FRYL: variants seen among roughly 807,000 people sequenced by gnomAD.
FRYL encodes the protein protein furry homolog-like.
In FRYL, 150 loss-of-function variants were observed where a neutral mutation model predicts 351.2. The ratio of observed to expected loss-of-function variants is 0.43; its 90% CI spans 0.37 to 0.49. FRYL has a LOEUF of 0.49. FRYL is among the 20% of genes least tolerant of loss of function. The probability of loss-of-function intolerance (pLI) is 0.00; values close to 1 mark genes in which losing one functional copy is unlikely to be tolerated. For missense variants in FRYL, 3,036 were observed against 3,619.3 expected, an observed-to-expected ratio of 0.84 and a Z score of 4.13; for synonymous variants, 1,153 against 1,257.1, an observed-to-expected ratio of 0.92 and a Z score of 1.75.
intron 60 of FRYL, among the ~76,000 whole-genome samples, chr4:48,503,116 A>C (rs1379474737): frequency 6.6e-6 from 1 of 152,120 alleles, no homozygotes. Context: ...ACAATGAATA[A>C]AACTGAACTA....
chr4:48,545,901 A>G (rs890761928), intron 42 of FRYL, among the ~76,000 whole-genome samples, 166 bp downstream of exon 42: 5 of 152,226 alleles, frequency 3.3e-5, no homozygotes, highest in Non-Finnish European at 7.3e-5. Context: ...ACTGGCACAA[A>G]AGAGTCTTTG....
chr4:48,543,168 C>A (rs1298567022), intron 44 of FRYL, among the ~76,000 whole-genome samples: 3 of 152,198 alleles, frequency 2.0e-5, no homozygotes, highest in Non-Finnish European at 4.4e-5. Context: ...AGATCATAAA[C>A]AGAACCTACT....
chr4:48,770,951 T>C (rs1227234368), intron 1 of FRYL, among the ~76,000 whole-genome samples: 1 of 147,684 alleles, frequency 6.8e-6, no homozygotes, highest in African/African-American at 2.5e-5. Flanking sequence ...ACAGGAAAAA[T>C]ACTAAACTAA....
In FRYL at chr4:48,596,054, A is replaced by G. The variant is rs1578272770; in HGVS notation, c.1036-54T>C. The G allele has an allele frequency of 7.0e-6, 8 of 1,147,586 alleles. No individual in the cohort carries two copies. In the East Asian group the frequency reaches 1.7e-4, roughly 25 times the overall value. 71.1% of individuals were successfully genotyped at this position (1,147,586 alleles called of 1,614,324 possible). A position where few individuals can be genotyped will look rare whatever the true frequency, so the allele number is the denominator to read the frequency against. ...ATTATAATACTTGCAATCACTTAACAGCAAACATATTCTCTGTCAACAACT... is the reference window on the plus strand; with the variant it reads ...ATTATAATACTTGCAATCACTTAACGGCAAACATATTCTCTGTCAACAACT... On this transcript the variant is annotated intron_variant, in intron 13 of 63. Transcript: ENST00000358350.
chr4:48,519,627 C>T (rs185743454), intron 55 of FRYL, among the ~76,000 whole-genome samples: 9 of 152,018 alleles, frequency 5.9e-5, no homozygotes, highest in Admixed American at 3.3e-4. Context: ...CTCAGCCTCC[C>T]GAGTAGATGG....
At chr4:48,641,011 G>C (rs942871013) in intron 3 of FRYL, among the ~76,000 whole-genome samples, 2 of 152,148 alleles carry the variant, frequency 1.3e-5, no homozygotes, top group African/African-American at 4.8e-5. Flanking sequence ...TTATATGGTA[G>C]ACAGATTAAA....
chr4:48,581,684 G>A, intron 20 of FRYL, 79 bp from the exon 21 acceptor site: 1 of 1,182,960 alleles, frequency 8.5e-7, no homozygotes, highest in South Asian at 1.7e-5. Flanking sequence ...AAAAAATAAA[G>A]CAAATCATAG....
chr4:48,674,736 C>CAAAAAAAA (rs58696045), intron 3 of FRYL, among the ~76,000 whole-genome samples: 809 of 55,608 alleles, frequency 0.015, 130 homozygotes, highest in African/African-American at 0.046. Flanking sequence ...GACTCTGTCT[C>CAAAAAAAA]AAAAAAAAAA....
At chr4:48,571,986 C>T in intron 26 of FRYL, 1 of 985,332 alleles carries the variant, frequency 1.0e-6, no homozygotes, top group Non-Finnish European at 1.2e-6. Context: ...CCAAACTGAT[C>T]ATTCTGAAAC....
At chr4:48,606,350 T>G (rs1455070390) in intron 10 of FRYL, 88 bp downstream of exon 10, 5 of 733,952 alleles carry the variant, frequency 6.8e-6, no homozygotes, top group Non-Finnish European at 1.1e-5. Flanking sequence ...TGCCATTAAT[T>G]TACGTGTATT....
At chr4:48,675,803 C>T (rs1159108671) in intron 3 of FRYL, among the ~76,000 whole-genome samples, 1 of 152,246 alleles carries the variant, frequency 6.6e-6, no homozygotes, top group African/African-American at 2.4e-5. Context: ...CAGCTGGGCT[C>T]CTGAGTCTGG....
At chr4:48,702,117 C>T (rs1347507706) in intron 2 of FRYL, among the ~76,000 whole-genome samples, 4 of 152,082 alleles carry the variant, frequency 2.6e-5, no homozygotes, top group Admixed American at 2.0e-4. Context: ...GCTCCCTAAT[C>T]TCATACAATT....
chr4:48,581,389 T>C (rs778928265), intron 21 of FRYL, 31 bp downstream of exon 21: 40 of 1,570,468 alleles, frequency 2.5e-5, no homozygotes, highest in African/African-American at 1.2e-4. Flanking sequence ...GTACTTTCAA[T>C]AGATAACTGA....
intron 1 of FRYL, among the ~76,000 whole-genome samples, chr4:48,732,521 C>T (rs1013009163): frequency 2.2e-4 from 33 of 152,232 alleles, no homozygotes; most frequent in African/African-American, 6.7e-4. Context: ...GACTTGGAAC[C>T]AACCCAAATG....
chr4:48,681,333 A>T (rs1764581426), intron 3 of FRYL, among the ~76,000 whole-genome samples: 1 of 152,188 alleles, frequency 6.6e-6, no homozygotes, highest in African/African-American at 2.4e-5. Context: ...ATAACAAACC[A>T]AACAGCTATA....
At chr4:48,766,956 A>G (rs1434394038) in intron 1 of FRYL, among the ~76,000 whole-genome samples, 1 of 148,750 alleles carries the variant, frequency 6.7e-6, no homozygotes, top group African/African-American at 2.4e-5. Context: ...TAAAAAACAG[A>G]TGAATGGATA....
At chr4:48,716,447 C>T (rs535360866) in intron 1 of FRYL, among the ~76,000 whole-genome samples, 3 of 151,634 alleles carry the variant, frequency 2.0e-5, no homozygotes, top group South Asian at 4.2e-4. Context: ...CAAACAACCC[C>T]GTCAGAAAGT....
At chr4:48,512,386 G>A (rs1427947902) in intron 57 of FRYL, 95 bp downstream of exon 57, 12 of 1,001,072 alleles carry the variant, frequency 1.2e-5, no homozygotes, top group Non-Finnish European at 1.6e-5. Context: ...AAAACTGGTA[G>A]GAATATTAAA....
chr4:48,518,635 C>T (rs1216339722), intron 55 of FRYL, among the ~76,000 whole-genome samples: 1 of 152,208 alleles, frequency 6.6e-6, no homozygotes, highest in Non-Finnish European at 1.5e-5. Flanking sequence ...TCACTGTGTT[C>T]CAGCCTTACT....
Sources: allele counts gnomAD v4.1 joint callset (sites outside exome capture counted in the v4.1 genomes callset), GRCh38; gene constraint gnomAD v4.1.1; transcripts MANE v1.5; gene names NCBI Gene and HGNC (gene_info 2026-07-23, HGNC 2026-07-21).